Variants in CDH23 observed in about 807,000 individuals in gnomAD.
CDH23 encodes the protein cadherin-23.
In CDH23, 189 loss-of-function variants were observed where a neutral mutation model predicts 317.1. The ratio of observed to expected loss-of-function variants is 0.60; its 90% confidence interval spans 0.53 to 0.67. The LOEUF (loss-of-function observed/expected upper bound fraction) is 0.67, where lower values mean the gene tolerates loss of function less well. Ranked by LOEUF, CDH23 falls within the 30% of genes least tolerant of loss-of-function variation. The pLI, the probability that CDH23 is intolerant of heterozygous loss-of-function variation, is 0.00. For synonymous variants in CDH23, 1,839 were observed against 1,876.8 expected (o/e 0.98, Z 0.52); for missense variants, 4,401 against 4,592.4 (o/e 0.96, Z 1.20).
chr10:71,658,346 G>C (rs1863505147), intron 14 of CDH23, among the ~76,000 whole-genome samples: 1 of 152,214 alleles, frequency 6.6e-6, no homozygotes, highest in Admixed American at 6.5e-5. Flanking sequence ...TTCCACTGCG[G>C]CTGGGGTGCC....
chr10:71,740,784 C>T (rs1459886001), intron 36 of CDH23, 38 bp from the exon 37 acceptor site: 11 of 1,612,602 alleles, frequency 6.8e-6, no homozygotes, highest in Admixed American at 1.7e-5. Flanking sequence ...CTGCCCGCCA[C>T]GCTTTAGCCC....
intron 1 of CDH23, among the ~76,000 whole-genome samples, chr10:71,423,286 C>T (rs905478193): frequency 6.6e-6 from 1 of 152,182 alleles, no homozygotes; most frequent in African/African-American, 2.4e-5. Flanking sequence ...TCAGAGGAGA[C>T]TCCAAAGGAG....
chr10:71,619,454 C>A (rs1459536202), intron 11 of CDH23, among the ~76,000 whole-genome samples: 3 of 152,210 alleles, frequency 2.0e-5, no homozygotes, highest in Non-Finnish European at 4.4e-5. Context: ...CCCTTTAGGG[C>A]AGGCACCTCC....
At chr10:71,791,860 G>C (rs1841259776) in intron 47 of CDH23, among the ~76,000 whole-genome samples, 2 of 152,162 alleles carry the variant, frequency 1.3e-5, no homozygotes, top group African/African-American at 2.4e-5. Flanking sequence ...ACAGGTGTGA[G>C]CCACCACGCC....
chr10:71,542,525 A>G (rs1293235611), intron 6 of CDH23, among the ~76,000 whole-genome samples: 1 of 152,176 alleles, frequency 6.6e-6, no homozygotes, highest in Non-Finnish European at 1.5e-5. Context: ...TGCCTGCCCA[A>G]CAGATGTCAG....
intron 68 of CDH23, 88 bp downstream of exon 68, chr10:71,812,978 G>A: frequency 6.4e-7 from 1 of 1,558,414 alleles, no homozygotes; most frequent in South Asian, 1.2e-5. Context: ...AGACCTCCAG[G>A]CTCAGCTAGA....
At chr10:71,528,332 G>T (rs562675123) in intron 6 of CDH23, among the ~76,000 whole-genome samples, 2 of 152,284 alleles carry the variant, frequency 1.3e-5, no homozygotes, top group South Asian at 4.2e-4. Flanking sequence ...AATTCTAACA[G>T]TTAATGTAGA....
chr10:71,785,743 G>T lies in CDH23; in HGVS notation c.5820+5G>T. On this transcript the variant is annotated splice_donor_5th_base_variant and intron_variant, in intron 44 of 69. Transcript: ENST00000224721. ...AATCCACGCATAGCCAGGAGGGTGA[G>T]ACTGGAGGGCACTGGTGGGAGTGGG... The T allele has an allele frequency of 6.4e-7, 1 of 1,565,024 alleles. No individual in the cohort carries two copies. The highest frequency in any genetic ancestry group is 2.3e-5 in the East Asian group (1 of 43,762).
chr10:71,443,778 CCAAAGCTGCTGAGCA>C (rs1320517917), intron 2 of CDH23, among the ~76,000 whole-genome samples: 4 of 152,224 alleles, frequency 2.6e-5, no homozygotes, highest in Non-Finnish European at 5.9e-5. Flanking sequence ...GCTGGAGGCC[CCAAAGCTGCTGAGCA>C]CACAGCTGCT....
chr10:71,578,493 T>C (rs898859381), intron 9 of CDH23, among the ~76,000 whole-genome samples: 2 of 152,154 alleles, frequency 1.3e-5, no homozygotes, highest in Admixed American at 6.5e-5. Flanking sequence ...TCTGGAATGT[T>C]GCGGGGGGGA....
chr10:71,598,134 C>T (rs1376111038), intron 9 of CDH23, among the ~76,000 whole-genome samples: 2 of 152,332 alleles, frequency 1.3e-5, no homozygotes, highest in Non-Finnish European at 2.9e-5. Flanking sequence ...AGTCATCTTC[C>T]GACGGGAGCC....
chr10:71,787,499 A>G (rs999613731), intron 44 of CDH23, among the ~76,000 whole-genome samples: 1 of 151,908 alleles, frequency 6.6e-6, no homozygotes, highest in African/African-American at 2.4e-5. Context: ...AACAGTGAAC[A>G]TTGTACCTAA....
intron 38 of CDH23, among the ~76,000 whole-genome samples, chr10:71,764,434 C>G (rs531744300): frequency 2.6e-5 from 4 of 152,180 alleles, no homozygotes; most frequent in Non-Finnish European, 5.9e-5. Flanking sequence ...TGGGAGCCCA[C>G]AGGCCACATC....
At chr10:71,472,495 C>T (rs1851569664) in intron 3 of CDH23, among the ~76,000 whole-genome samples, 1 of 152,220 alleles carries the variant, frequency 6.6e-6, no homozygotes, top group Non-Finnish European at 1.5e-5. Context: ...CTGGTTGGAC[C>T]CTCACTCAGC....
At chr10:71,604,337 G>T (rs1237062934) in intron 9 of CDH23, among the ~76,000 whole-genome samples, 1 of 152,190 alleles carries the variant, frequency 6.6e-6, no homozygotes, top group African/African-American at 2.4e-5. Flanking sequence ...TAATGACGAT[G>T]CCCTCACAGG....
At chr10:71,523,107 A>C (rs1200305707) in intron 6 of CDH23, among the ~76,000 whole-genome samples, 1 of 152,168 alleles carries the variant, frequency 6.6e-6, no homozygotes. Context: ...CTGAGATGAA[A>C]AGGTGGAAGC....
intron 48 of CDH23, among the ~76,000 whole-genome samples, chr10:71,795,207 G>T (rs1331125744): frequency 6.6e-6 from 1 of 152,132 alleles, no homozygotes; most frequent in Non-Finnish European, 1.5e-5. Flanking sequence ...ATGAGTATGG[G>T]AATGAAAGGG....
chr10:71,812,070 A>AGCTGGGGAGAGCTGCAGTCTCCCAGC, intron 66 of CDH23, 55 bp downstream of exon 66: 2 of 1,613,290 alleles, frequency 1.2e-6, no homozygotes, highest in Non-Finnish European at 1.7e-6. Context: ...GCCAGGACCC[A>AGCTGGGGAGAGCTGCAGTCTCCCAGC]GCTGGGGAGA....
intron 38 of CDH23, chr10:71,747,501 G>A (rs1839879785): frequency 6.6e-6 from 1 of 152,338 alleles, no homozygotes; most frequent in Admixed American, 6.5e-5. Context: ...GGCCAAGCCA[G>A]GCCCTGGCCC....
Sources: gnomAD v4.1 joint callset for allele counts (sites outside exome capture counted in the v4.1 genomes callset) on GRCh38, gnomAD v4.1.1 for gene constraint, MANE v1.5 for transcripts, NCBI Gene and HGNC (gene_info 2026-07-23, HGNC 2026-07-21) for gene names.